TTC27: variants seen among roughly 807,000 people sequenced by gnomAD.
TTC27 encodes tetratricopeptide repeat protein 27.
Under a neutral mutation model 115.9 loss-of-function variants are expected in TTC27, and 79 were observed. The ratio of observed to expected loss-of-function variants is 0.68; its 90% CI spans 0.57 to 0.82. The LOEUF (loss-of-function observed/expected upper bound fraction) is 0.82, where lower values mean the gene tolerates loss of function less well. TTC27 is among the 40% of genes least tolerant of loss of function. The pLI, the probability that TTC27 is intolerant of heterozygous loss-of-function variation, is 0.00. For synonymous variants in TTC27, 401 were observed against 356.0 expected (o/e 1.13, Z -1.42); for missense variants, 1,054 against 993.1 (o/e 1.06, Z -0.82).
intron 9 of TTC27, among the ~76,000 whole-genome samples, chr2:32,680,896 C>A (rs1349996312): frequency 6.6e-6 from 1 of 152,110 alleles, no homozygotes; most frequent in East Asian, 1.9e-4. Context: ...GGTTCCCTTT[C>A]TTTAAAACTT....
At chr2:32,815,223 A>ATTT (rs533493768) in intron 18 of TTC27, among the ~76,000 whole-genome samples, 3,378 of 55,430 alleles carry the variant, frequency 0.061, 913 homozygotes, top group East Asian at 0.1. Flanking sequence ...GCTGCTTCAG[A>ATTT]TTTTTTTTTT....
intron 5 of TTC27, among the ~76,000 whole-genome samples, chr2:32,650,779 G>A (rs1021322866): frequency 6.6e-6 from 1 of 152,034 alleles, no homozygotes; most frequent in African/African-American, 2.4e-5. Context: ...CATTTTATTA[G>A]TATTTTTTGT....
At chr2:32,752,414 T>A (rs990620951) in intron 12 of TTC27, among the ~76,000 whole-genome samples, 1 of 152,226 alleles carries the variant, frequency 6.6e-6, no homozygotes, top group Non-Finnish European at 1.5e-5. Context: ...TTGTTTAGTT[T>A]TGGCCACATT....
chr2:32,760,688 T>A (rs1669405609), intron 13 of TTC27, among the ~76,000 whole-genome samples: 1 of 152,164 alleles, frequency 6.6e-6, no homozygotes. Context: ...TCCTTGCATA[T>A]CTTGGAAGCT....
intron 9 of TTC27, among the ~76,000 whole-genome samples, chr2:32,679,891 C>G (rs1405918885): frequency 6.6e-6 from 1 of 152,132 alleles, no homozygotes; most frequent in Non-Finnish European, 1.5e-5. Flanking sequence ...ACTCTAGAAG[C>G]TGAGAAGGAG....
chr2:32,818,915 C>T (rs936130235), intron 19 of TTC27, among the ~76,000 whole-genome samples: 4 of 152,134 alleles, frequency 2.6e-5, no homozygotes, highest in African/African-American at 9.7e-5. Flanking sequence ...TATTTATCTG[C>T]ATGACCCAGG....
intron 16 of TTC27, among the ~76,000 whole-genome samples, chr2:32,790,275 T>TG (rs1670490637): frequency 1.3e-5 from 2 of 151,680 alleles, no homozygotes; most frequent in African/African-American, 4.9e-5. Flanking sequence ...ATTAAATTTT[T>TG]TTTTTGTGTG....
At chr2:32,747,207 G>A (rs1668860670) in intron 12 of TTC27, among the ~76,000 whole-genome samples, 1 of 152,128 alleles carries the variant, frequency 6.6e-6, no homozygotes, top group Admixed American at 6.5e-5. Context: ...ATGAAATCCT[G>A]AGTACCCTAG....
chr2:32,716,875 G>A (rs1345184733), intron 10 of TTC27, among the ~76,000 whole-genome samples: 5 of 151,380 alleles, frequency 3.3e-5, no homozygotes, highest in Non-Finnish European at 5.9e-5. Context: ...TAAGTTTTTT[G>A]TAGAGGCAGA....
chr2:32,636,251 T>C (rs1371168529), intron 3 of TTC27, among the ~76,000 whole-genome samples: 2 of 152,194 alleles, frequency 1.3e-5, no homozygotes, highest in African/African-American at 4.8e-5. Flanking sequence ...TCTCACTCTG[T>C]CGCCCAGGCT....
intron 9 of TTC27, among the ~76,000 whole-genome samples, chr2:32,679,751 G>A (rs1341991684): frequency 1.3e-5 from 2 of 152,212 alleles, no homozygotes; most frequent in Admixed American, 6.5e-5. Flanking sequence ...CCAGCACTTT[G>A]AGAGGCCGAG....
intron 9 of TTC27, among the ~76,000 whole-genome samples, chr2:32,701,882 A>G (rs1182640643): frequency 6.6e-6 from 1 of 152,016 alleles, no homozygotes; most frequent in Non-Finnish European, 1.5e-5. Flanking sequence ...ATGGTGGTAC[A>G]GGCCTGCCGT....
intron 12 of TTC27, among the ~76,000 whole-genome samples, chr2:32,752,805 T>G (rs1173662577): frequency 1.3e-5 from 2 of 152,124 alleles, no homozygotes; most frequent in African/African-American, 4.8e-5. Context: ...CTCCCAAATG[T>G]CTCCATTTAA....
At position 32,702,917 on chromosome 2, in the gene TTC27, A is replaced by G; in HGVS notation, c.1230A>G (p.Thr410=). 6.2e-7 allele frequency: 1 copy of G among 1,612,290 alleles called. No individual in the cohort carries two copies. Among genetic ancestry groups the G allele is most frequent in the Non-Finnish European group, 8.5e-7 (1 of 1,178,382 alleles). The change falls in exon 10 of 20, where the codon ACA becomes ACG. Residue 410 remains threonine (T), a synonymous_variant. Transcript: ENST00000317907. ...GAGTGGAACGGGCAATGAGGCAGAC[A>G]CAGGTAAGAATTAATGTGGCAATTT... ...TRRVERAMRQ[T]QALADQFEDK...
chr2:32,751,741 A>T lies in TTC27; in HGVS notation c.1453-6551A>T, dbSNP rs542951815. ...ACTTCTTTGGAAAATACTAGGGAAG[A>T]GCTATGATATATCCTTGTTATGTTA... On this transcript the variant is annotated intron_variant, in intron 12 of 19. Transcript: ENST00000317907. Among the ~76,000 whole-genome samples the T allele has an allele frequency of 5.3e-5, 8 of 152,272 alleles. No homozygotes were observed. The South Asian group carries it at 1.7e-3, about 32-fold the overall frequency.
In TTC27 at chr2:32,706,077, C is replaced by CTTTT. The variant is rs148953090; in HGVS notation, c.1233+3179_1233+3182dup. ...ATTATCATTCCTTATTTACCTTACT[C>CTTTT]TTTTTTTTTTTTTTTTTTTTTTTTT... On this transcript the variant is annotated intron_variant, in intron 10 of 19. Transcript: ENST00000317907. Among the ~76,000 whole-genome samples the CTTTT allele has an allele frequency of 7.7e-3, 408 of 53,162 alleles. 16 individuals carry two copies. Among genetic ancestry groups the CTTTT allele is most frequent in the African/African-American group, 0.012 (135 of 11,052 alleles). The allele number at this position is 53,162 out of a possible 152,430, so 34.9% of individuals were successfully genotyped here. A position where few individuals can be genotyped will look rare whatever the true frequency, so the allele number is the denominator to read the frequency against.
intron 3 of TTC27, among the ~76,000 whole-genome samples, chr2:32,634,343 G>T (rs1664330589): frequency 6.6e-6 from 1 of 151,362 alleles, no homozygotes; most frequent in African/African-American, 2.4e-5. Context: ...CATCCAGGCT[G>T]TTGTACAGTG....
At chr2:32,820,789 A>G in intron 19 of TTC27, 27 bp from the exon 20 acceptor site, 1 of 1,504,430 alleles carries the variant, frequency 6.6e-7, no homozygotes, top group Non-Finnish European at 8.9e-7. Context: ...TTGTTTTAAT[A>G]CTTCTGCTTT....
chr2:32,638,977 C>T (rs2151862161), intron 3 of TTC27, among the ~76,000 whole-genome samples: 1 of 152,216 alleles, frequency 6.6e-6, no homozygotes, highest in East Asian at 1.9e-4. Context: ...GGACTACAGG[C>T]ACCCACCACC....
Sources: gnomAD v4.1 joint callset for allele counts (sites outside exome capture counted in the v4.1 genomes callset) on GRCh38, gnomAD v4.1.1 for gene constraint, MANE v1.5 for transcripts, NCBI Gene and HGNC (gene_info 2026-07-23, HGNC 2026-07-21) for gene names.